BTN2A2: variants seen among roughly 807,000 people sequenced by gnomAD.
BTN2A2 encodes butyrophilin subfamily 2 member A2, also known as butyrophilin 2.
In BTN2A2, 29 loss-of-function variants were observed where a neutral mutation model predicts 34.7. The ratio of observed to expected loss-of-function variants is 0.84; its 90% CI spans 0.62 to 1.14. BTN2A2 has a LOEUF of 1.14. BTN2A2 is among the 50% of genes most tolerant of loss of function. The pLI, the probability that BTN2A2 is intolerant of heterozygous loss-of-function variation, is 0.00. For synonymous variants in BTN2A2, 240 were observed against 253.1 expected (o/e 0.95, Z 0.49); for missense variants, 612 against 651.5 (o/e 0.94, Z 0.66).
At chr6:26,385,812 A>T (rs1761163174) in intron 3 of BTN2A2, among the ~76,000 whole-genome samples, 1 of 152,112 alleles carries the variant, frequency 6.6e-6, no homozygotes, top group Non-Finnish European at 1.5e-5. Context: ...AGTCTCCCAA[A>T]GTGCTAGGAT....
chr6:26,390,841 T>C lies in BTN2A2; in HGVS notation c.979+12T>C, dbSNP rs1455728226. 6.2e-7 allele frequency: 1 copy of C among 1,614,050 alleles called. No homozygotes were observed. Among genetic ancestry groups the C allele is most frequent in the East Asian group, 2.2e-5 (1 of 44,886 alleles). On this transcript the variant is annotated intron_variant, in intron 7 of 7. Coordinates refer to ENST00000356709, the MANE Select transcript of BTN2A2 (RefSeq NM_006995.5). ...ATTCTTACATGCTGGTGAGTGCCTC[T>C]GATGTTCTCTCAGATCTCAGCTTTC...
chr6:26,386,108 C>CAG (rs1458811289), intron 3 of BTN2A2, among the ~76,000 whole-genome samples: 1 of 152,082 alleles, frequency 6.6e-6, no homozygotes, highest in Non-Finnish European at 1.5e-5. Flanking sequence ...ATACTGATTG[C>CAG]AGAGAGAGTG....
intron 7 of BTN2A2, chr6:26,391,911 C>A: frequency 3.2e-6 from 1 of 315,986 alleles, no homozygotes; most frequent in Non-Finnish European, 5.9e-6. Context: ...GGTCCTTCAC[C>A]ACCTAGGACA....
At chr6:26,386,821 C>G (rs1205510789) in intron 3 of BTN2A2, among the ~76,000 whole-genome samples, 1 of 152,150 alleles carries the variant, frequency 6.6e-6, no homozygotes, top group African/African-American at 2.4e-5. Flanking sequence ...ACTTTGTTTT[C>G]CAATTTGCTG....
At position 26,392,942 on chromosome 6, in the gene BTN2A2, G is replaced by C. The variant is rs199706137; in HGVS notation, c.1547G>C (p.Arg516Thr). 1.6e-4 allele frequency: 253 copies of C among 1,614,182 alleles called. No individual in the cohort carries two copies. Among genetic ancestry groups the C allele is most frequent in the Admixed American group, 1.5e-3 (92 of 60,022 alleles). Residue 516 changes from arginine (R) to threonine (T), a missense_variant, in exon 8 of 8, where the codon AGA becomes ACA. Physicochemically the swap from Arg to Thr is moderately conservative, Grantham distance 71. Coordinates refer to ENST00000356709, the MANE Select transcript of BTN2A2 (RefSeq NM_006995.5). ...CCTGAAGAGGGCCTGAAACTTCACA[G>C]AGTGGGGACCCACCAGAGCCTATAG... Reference protein sequence around the residue: ...MVPEEGLKLHRVGTHQSL With the variant: ...MVPEEGLKLHTVGTHQSL
At position 26,383,777 on chromosome 6, in the gene BTN2A2, C is replaced by A. The variant is rs1248311675; in HGVS notation, c.-30-15C>A. The A allele has an allele frequency of 6.3e-7, 1 of 1,587,360 alleles. No individual in the cohort carries two copies. Among genetic ancestry groups the A allele is most frequent in the Non-Finnish European group, 8.7e-7 (1 of 1,155,900 alleles). On this transcript the variant is annotated splice_polypyrimidine_tract_variant and intron_variant, in intron 1 of 7. Transcript: ENST00000356709. This position sits in a 1 kb window ranked among gnomAD's most constrained non-coding sequence, Gnocchi z 4.4. Reference sequence around the variant, plus strand: ...CCAAGACTCCTAGGCTGATTCTCCTCCTCTGTAACCCTAGGCCTCTGGTCT... The same window carrying A: ...CCAAGACTCCTAGGCTGATTCTCCTACTCTGTAACCCTAGGCCTCTGGTCT...
At chr6:26,390,284 C>A in intron 5 of BTN2A2, 73 bp downstream of exon 5, 1 of 1,445,304 alleles carries the variant, frequency 6.9e-7, no homozygotes, top group Non-Finnish European at 9.4e-7. Flanking sequence ...AGTAGGAGGA[C>A]AATTGACTGT....
chr6:26,390,392 G>C (rs1161895438), intron 5 of BTN2A2, 181 bp downstream of exon 5: 17 of 706,890 alleles, frequency 2.4e-5, no homozygotes. Flanking sequence ...CATGTCATAA[G>C]AAGTAATCAT....
At chr6:26,390,735 C>T (rs41266835) in intron 6 of BTN2A2, 28 bp downstream of exon 6, 198,572 of 1,614,054 alleles carry the variant, frequency 0.12, 13,126 homozygotes, top group Admixed American at 0.18. Context: ...TGAACTACTC[C>T]GTGTACAATT....
Position 26,393,921 on chromosome 6 carries a change from T to C in BTN2A2, c.*954T>C, listed in dbSNP as rs1400609922. 3.0e-6 allele frequency: 1 copy of C among 334,650 alleles called. No individual in the cohort carries two copies. The highest frequency in any genetic ancestry group is 1.2e-4 in the East Asian group (1 of 8,128). The allele number at this position is 334,650 out of a possible 1,614,324, so 20.7% of individuals were successfully genotyped here. The stretch of plus-strand genomic sequence containing the variant: ...TAAAATAGCATTAATAAATCAGTTA[T>C]AGGTTAATGTAGATAGGATGTTTTG... On this transcript the variant is annotated 3_prime_UTR_variant, in exon 8 of 8. Coordinates refer to ENST00000356709, the MANE Select transcript of BTN2A2 (RefSeq NM_006995.5).
intron 3 of BTN2A2, among the ~76,000 whole-genome samples, chr6:26,386,424 A>G (rs1422915572): frequency 6.6e-6 from 1 of 152,232 alleles, no homozygotes; most frequent in Non-Finnish European, 1.5e-5. Flanking sequence ...CAGTGGAGGC[A>G]AGGACTAGGA....
In BTN2A2 at chr6:26,393,703, C is replaced by T; in HGVS notation, c.*736C>T. On this transcript the variant is annotated 3_prime_UTR_variant, in exon 8 of 8. Transcript: ENST00000356709. ...GGTTTGAGGTCCTGGTCGAGCAGGG[C>T]AGTACTGGACCAGGTCTACGTCAGC... The T allele has an allele frequency of 4.0e-6, 4 of 989,846 alleles. No homozygotes were observed. Among genetic ancestry groups the T allele is most frequent in the Non-Finnish European group, 4.8e-6 (4 of 832,936 alleles). 61.3% of individuals were successfully genotyped at this position (989,846 alleles called of 1,614,324 possible). A position where few individuals can be genotyped will look rare whatever the true frequency, so the allele number is the denominator to read the frequency against.
At chr6:26,386,325 G>A (rs1194862866) in intron 3 of BTN2A2, among the ~76,000 whole-genome samples, 1 of 151,728 alleles carries the variant, frequency 6.6e-6, no homozygotes, top group African/African-American at 2.4e-5. Context: ...GTTGCAGTTA[G>A]TGTATTTTGC....
In BTN2A2 at chr6:26,384,644, T is replaced by G. The variant is rs760932355; in HGVS notation, c.95-371T>G. ...ACTTAGAGTTCATTTTTATTGGAAC[T>G]GTTAAATAGCTAGTGGATAGATACC... On this transcript the variant is annotated intron_variant, in intron 2 of 7. Coordinates refer to ENST00000356709, the MANE Select transcript of BTN2A2 (RefSeq NM_006995.5). The surrounding 1 kb of genome is among the most constrained non-coding windows in gnomAD (Gnocchi z 4.0). Among the ~76,000 whole-genome samples the G allele has an allele frequency of 3.9e-5, 6 of 152,262 alleles. No individual in the cohort carries two copies. The highest frequency in any genetic ancestry group is 8.8e-5 in the Non-Finnish European group (6 of 68,048).
chr6:26,391,041 C>T, intron 7 of BTN2A2: 1 of 659,726 alleles, frequency 1.5e-6, no homozygotes, highest in Admixed American at 2.8e-5. Context: ...GTTTACATCC[C>T]CAGGACCCTT....
intron 6 of BTN2A2, 25 bp downstream of exon 6, chr6:26,390,732 C>T: frequency 2.5e-6 from 4 of 1,614,244 alleles, no homozygotes; most frequent in Non-Finnish European, 2.5e-6. Context: ...TCCTGAACTA[C>T]TCCGTGTACA....
Position 26,385,247 on chromosome 6 carries a change from G to A in BTN2A2, c.327G>A (p.Arg109=), listed in dbSNP as rs377645117. ...CCTTTGTGAGCAAAGACATCAACAG[G>A]GGCAGCGTGGCCCTGGTCATACATA... The part of the protein sequence containing the change: ...RITFVSKDIN[R]GSVALVIHNV... Residue 109 remains arginine, a synonymous_variant, in exon 3 of 8, where the codon AGG becomes AGA. Transcript: ENST00000356709. 2.5e-6 allele frequency: 4 copies of A among 1,614,126 alleles called. No individual in the cohort carries two copies. The highest frequency in any genetic ancestry group is 4.5e-5 in the East Asian group (2 of 44,890).
intron 4 of BTN2A2, among the ~76,000 whole-genome samples, chr6:26,388,898 G>A (rs1200672727): frequency 2.0e-5 from 3 of 152,282 alleles, no homozygotes; most frequent in Non-Finnish European, 4.4e-5. Context: ...AAGGTGGTTG[G>A]ATCATGAGTT....
In BTN2A2 at chr6:26,394,591, T is replaced by G; in HGVS notation, c.*1624T>G. The G allele has an allele frequency of 2.4e-6, 1 of 424,282 alleles. No homozygotes were observed. Among genetic ancestry groups the G allele is most frequent in the Non-Finnish European group, 4.2e-6 (1 of 238,468 alleles). 26.3% of individuals were successfully genotyped at this position (424,282 alleles called of 1,614,324 possible). ...CCCTGGGTTCTCAGGCCTTTGGCTT[T>G]GGACTGAGAGTTACACAATCAGCTT... On this transcript the variant is annotated 3_prime_UTR_variant, in exon 8 of 8. Transcript: ENST00000356709.
Sources: gnomAD v4.1 joint callset for allele counts (sites outside exome capture counted in the v4.1 genomes callset) on GRCh38, gnomAD v4.1.1 for gene constraint, Gnocchi (gnomAD v3.1) non-coding constraint, MANE v1.5 for transcripts, NCBI Gene and HGNC (gene_info 2026-07-23, HGNC 2026-07-21) for gene names.